The following TRPC7 variants were observed in gnomAD, a reference collection of about 807,000 sequenced individuals.
The protein encoded by TRPC7 is transient receptor potential cation channel subfamily C member 7.
TRPC7 carries 42 observed loss-of-function variants against 90.1 expected under a neutral mutation model. The ratio of observed to expected loss-of-function variants is 0.47; its 90% CI spans 0.36 to 0.60. TRPC7 has a LOEUF of 0.60. Among genes scored for constraint, TRPC7 ranks in the 20% least tolerant of loss-of-function variants. The pLI is 0.00. For missense variants in TRPC7, 955 were observed against 1,112.3 expected, an observed-to-expected ratio of 0.86 and a Z score of 2.01; for synonymous variants, 451 against 436.3, an observed-to-expected ratio of 1.03 and a Z score of -0.42.
chr5:136,274,884 G>A, intron 3 of TRPC7, 47 bp from the exon 4 acceptor site: 5 of 1,536,684 alleles, frequency 3.3e-6, no homozygotes, highest in Non-Finnish European at 4.4e-6. Context: ...ACAGGAAAAT[G>A]GCATTGATAG....
chr5:136,267,497 T>G (rs1175221448), intron 4 of TRPC7, among the ~76,000 whole-genome samples: 1 of 152,138 alleles, frequency 6.6e-6, no homozygotes, highest in African/African-American at 2.4e-5. Flanking sequence ...CATTCAGGAG[T>G]CCTAGAGTGA....
chr5:136,287,884 C>T lies in TRPC7; in HGVS notation c.964-13047G>A, dbSNP rs145506046. On this transcript the variant is annotated intron_variant, in intron 3 of 11. Coordinates refer to ENST00000513104, the MANE Select transcript of TRPC7 (RefSeq NM_020389.3). ...AGGTACACAAGTGAGTCTTCAGGGC[C>T]GTGGTACAACACAGAAAAAGGTGCC... Among the ~76,000 whole-genome samples the T allele has an allele frequency of 1.4e-3, 215 of 152,042 alleles. 1 individual carries two copies. The highest frequency in any genetic ancestry group is 4.8e-3 in the African/African-American group (200 of 41,486).
intron 5 of TRPC7, among the ~76,000 whole-genome samples, chr5:136,253,573 A>G (rs1355743264): frequency 2.0e-5 from 3 of 152,098 alleles, no homozygotes; most frequent in Non-Finnish European, 4.4e-5. Flanking sequence ...CTTTGATGTT[A>G]CTATTGTAAC....
intron 3 of TRPC7, among the ~76,000 whole-genome samples, chr5:136,288,793 C>T (rs929195062): frequency 6.6e-6 from 1 of 152,266 alleles, no homozygotes; most frequent in Admixed American, 6.5e-5. Context: ...TATTTGTGCA[C>T]CATCTGTAAA....
At chr5:136,250,596 A>C (rs1756487976) in intron 6 of TRPC7, among the ~76,000 whole-genome samples, 1 of 152,232 alleles carries the variant, frequency 6.6e-6, no homozygotes, top group African/African-American at 2.4e-5. Context: ...GTAAGACATA[A>C]CTTATTTTAA....
intron 8 of TRPC7, among the ~76,000 whole-genome samples, chr5:136,231,110 A>G (rs1755800461): frequency 6.6e-6 from 1 of 152,132 alleles, no homozygotes; most frequent in South Asian, 2.1e-4. Flanking sequence ...TAAAAGAGAG[A>G]AGACTCATGA....
chr5:136,244,905 C>T (rs1313758269), intron 7 of TRPC7, among the ~76,000 whole-genome samples: 3 of 152,172 alleles, frequency 2.0e-5, no homozygotes, highest in African/African-American at 7.2e-5. Flanking sequence ...CGCTATAGAC[C>T]AATTCAGTAC....
At chr5:136,324,382 G>A (rs1759283595) in intron 2 of TRPC7, among the ~76,000 whole-genome samples, 1 of 152,102 alleles carries the variant, frequency 6.6e-6, no homozygotes, top group African/African-American at 2.4e-5. Flanking sequence ...TTTTTTGCTG[G>A]TTTTTAACCC....
intron 7 of TRPC7, among the ~76,000 whole-genome samples, chr5:136,244,210 CTTCT>C (rs1464270741): frequency 1.4e-5 from 2 of 147,392 alleles, no homozygotes; most frequent in Non-Finnish European, 3.0e-5. Flanking sequence ...CCTCCTTCTT[CTTCT>C]TTTTTCTTTA....
chr5:136,363,875 T>A (rs1760643535), intron 1 of TRPC7, among the ~76,000 whole-genome samples: 1 of 152,216 alleles, frequency 6.6e-6, no homozygotes, highest in Non-Finnish European at 1.5e-5. Context: ...TTGGAAGTTA[T>A]GAAACTGGAT....
intron 5 of TRPC7, among the ~76,000 whole-genome samples, chr5:136,255,537 T>C (rs959712239): frequency 6.6e-6 from 1 of 152,228 alleles, no homozygotes; most frequent in Non-Finnish European, 1.5e-5. Context: ...GACCACAGTA[T>C]AGTGTAAATG....
Position 136,357,377 on chromosome 5 carries a change from T to G in TRPC7, c.11A>C (p.Asn4Thr). The change falls in exon 2 of 12, where the codon AAC becomes ACC. Residue 4 changes from asparagine (N) to threonine (T), a missense_variant. Asn to Thr is a moderately conservative substitution (Grantham distance 65, BLOSUM62 0). Coordinates refer to ENST00000513104, the MANE Select transcript of TRPC7 (RefSeq NM_020389.3). The stretch of plus-strand genomic sequence containing the variant: ...GCGCTGCATGTTTTTGAAGGTGCTG[T>G]TCCTCAACCTATGGGACAAGGCAAA... MLR[N>T]STFKNMQRRH... The G allele has an allele frequency of 6.3e-7, 1 of 1,595,862 alleles. No homozygotes were observed. The highest frequency in any genetic ancestry group is 1.7e-5 in the Admixed American group (1 of 59,818).
chr5:136,225,346 G>A lies in TRPC7; in HGVS notation c.2271C>T (p.Arg757=). 1 of 1,612,634 alleles carries A rather than the reference G, an allele frequency of 6.2e-7. No homozygotes were observed. The highest frequency in any genetic ancestry group is 8.5e-7 in the Non-Finnish European group (1 of 1,179,452). Residue 757 remains arginine (R), a synonymous_variant, in exon 10 of 12, where the codon CGC becomes CGT. Transcript: ENST00000513104. The stretch of plus-strand genomic sequence containing the variant: ...CAGAATTCCTCATGCCAGCCTGGTA[G>A]CGAGTCTTCTGGATAAAACAAACAA... ...GMLNSKFKKT[R]YQAGMRNSEN...
chr5:136,355,145 G>T (rs1760322471), intron 2 of TRPC7, among the ~76,000 whole-genome samples: 1 of 152,192 alleles, frequency 6.6e-6, no homozygotes, highest in African/African-American at 2.4e-5. Context: ...GTCTCTGGTT[G>T]AATGGCAGCA....
At chr5:136,237,352 A>C (rs1756014934) in intron 7 of TRPC7, among the ~76,000 whole-genome samples, 1 of 152,228 alleles carries the variant, frequency 6.6e-6, no homozygotes, top group Non-Finnish European at 1.5e-5. Flanking sequence ...ACTGTACCCC[A>C]TGCAGCCTGG....
intron 3 of TRPC7, among the ~76,000 whole-genome samples, chr5:136,287,419 T>C (rs1341707709): frequency 6.6e-6 from 1 of 151,904 alleles, no homozygotes; most frequent in African/African-American, 2.4e-5. Context: ...TTTGAATGTC[T>C]TCCGTGGGGT....
chr5:136,276,316 G>T (rs1240459035), intron 3 of TRPC7, among the ~76,000 whole-genome samples: 1 of 152,212 alleles, frequency 6.6e-6, no homozygotes, highest in Non-Finnish European at 1.5e-5. Flanking sequence ...GACTAGAGAA[G>T]ATAGACTGGG....
chr5:136,359,764 TG>T (rs1042726730), intron 1 of TRPC7, among the ~76,000 whole-genome samples: 43 of 142,220 alleles, frequency 3.0e-4, no homozygotes, highest in African/African-American at 1.0e-3. Context: ...TTTCAAGGCC[TG>T]TCATCTGGGC....
chr5:136,345,105 C>CA (rs1396024297), intron 2 of TRPC7, among the ~76,000 whole-genome samples: 1 of 152,020 alleles, frequency 6.6e-6, no homozygotes, highest in Non-Finnish European at 1.5e-5. Context: ...TTAAATATAT[C>CA]AAAAAGGTTG....
Sources: gnomAD v4.1 joint callset for allele counts (sites outside exome capture counted in the v4.1 genomes callset) on GRCh38, gnomAD v4.1.1 for gene constraint, MANE v1.5 for transcripts, NCBI Gene and HGNC (gene_info 2026-07-23, HGNC 2026-07-21) for gene names.